TPM2: variants seen among roughly 807,000 people sequenced by gnomAD.
TPM2 encodes the protein tropomyosin beta chain.
TPM2 carries 26 observed loss-of-function variants against 41.0 expected under a neutral mutation model. That is an observed-to-expected ratio of 0.63 (90% CI 0.46 to 0.88). The LOEUF (loss-of-function observed/expected upper bound fraction) is 0.88. TPM2 is among the 40% of genes least tolerant of loss of function. The pLI, the probability that TPM2 is intolerant of heterozygous loss-of-function variation, is 0.00. For missense variants in TPM2, 187 were observed against 355.2 expected (o/e 0.53, Z 3.81); for synonymous variants, 143 against 139.3 (o/e 1.03, Z -0.19).
rs1297159160 is a variant in TPM2, at chr9:35,685,748, G to A, written c.273C>T (p.Arg91=). 5.0e-6 allele frequency: 8 copies of A among 1,614,220 alleles called. No individual in the cohort carries two copies. The highest frequency in any genetic ancestry group is 3.4e-6 in the Non-Finnish European group (4 of 1,180,036). Reference sequence around the variant, plus strand: ...CCAGCTCCTCCTCAACCAGCTGAATGCGGCGGTTCAGGGAGGCCACATCTG... The same window carrying A: ...CCAGCTCCTCCTCAACCAGCTGAATACGGCGGTTCAGGGAGGCCACATCTG... ...AEADVASLNR[R]IQLVEEELDR... Residue 91 remains arginine (R), a synonymous_variant, in exon 3 of 9, where the codon CGC becomes CGT. Transcript: ENST00000645482. This position sits in a 1 kb window ranked among gnomAD's most constrained non-coding sequence, Gnocchi z 5.0.
Position 35,684,826 on chromosome 9 carries a change from G to GA in TPM2, c.564-20_564-19insT, listed in dbSNP as rs1563928166. ...ACATTTACTGCAGGGGGTGTGTGGC[G>GA]GGGGGGGCAGGGTGTGAGGGCACAG... On this transcript the variant is annotated intron_variant, in intron 5 of 8. Transcript: ENST00000645482. 1 of 1,473,904 alleles carries GA rather than the reference G, an allele frequency of 6.8e-7. No homozygotes were observed. The highest frequency in any genetic ancestry group is 2.1e-5 in the Admixed American group (1 of 46,822). 91.3% of individuals were successfully genotyped at this position (1,473,904 alleles called of 1,614,324 possible). A position where few individuals can be genotyped will look rare whatever the true frequency, so the allele number is the denominator to read the frequency against.
intron 5 of TPM2, 178 bp from the exon 6 acceptor site, chr9:35,684,985 C>T: frequency 6.2e-7 from 1 of 1,613,542 alleles, no homozygotes; most frequent in Non-Finnish European, 8.5e-7. Context: ...TGAGAAAGAG[C>T]AGCCTGCGGT....
chr9:35,682,180 C>T, downstream of TPM2: 1 of 1,613,710 alleles, frequency 6.2e-7, no homozygotes, highest in South Asian at 1.1e-5. Context: ...GGGGAAGCAG[C>T]AGGTGAGGGA....
chr9:35,682,624 C>T (rs906318257), downstream of TPM2: 1 of 1,302,046 alleles, frequency 7.7e-7, no homozygotes, highest in African/African-American at 1.5e-5. Flanking sequence ...TGCACCTCAC[C>T]ACCCTACTTC....
upstream of TPM2, chr9:35,689,961 G>A: frequency 6.5e-7 from 1 of 1,546,676 alleles, no homozygotes; most frequent in Non-Finnish European, 8.7e-7. Flanking sequence ...TAAAAGGCGG[G>A]GAGGGACCGG....
chr9:35,689,633 G>C (rs1825138708), intron 1 of TPM2, 71 bp downstream of exon 1: 13 of 1,600,770 alleles, frequency 8.1e-6, no homozygotes, highest in Non-Finnish European at 1.1e-5. Context: ...CCGGGGCTGG[G>C]GGACCCATGG....
Position 35,688,087 on chromosome 9 carries a change from G to A in TPM2, c.240+1059C>T, listed in dbSNP as rs1380425095. 5.3e-5 allele frequency among the ~76,000 whole-genome samples: 8 copies of A among 152,196 alleles called. No individual in the cohort carries two copies. In the East Asian group the frequency reaches 7.7e-4, roughly 15 times the overall value. ...CCTCCAGCCCCCACCAGCAACTTGG[G>A]TTTCCAATCTTGCCTCCAGCTGCAC... On this transcript the variant is annotated intron_variant, in intron 2 of 8. Coordinates refer to ENST00000645482, the MANE Select transcript of TPM2 (RefSeq NM_003289.4).
downstream of TPM2, chr9:35,682,300 T>C (rs138411906): frequency 0.012 from 12,562 of 1,018,706 alleles, 103 homozygotes; most frequent in Non-Finnish European, 0.015. Flanking sequence ...CAGGGCCCCT[T>C]GGCAGGGACA....
chr9:35,688,674 C>A (rs916421372), intron 2 of TPM2, among the ~76,000 whole-genome samples: 3 of 152,114 alleles, frequency 2.0e-5, no homozygotes, highest in Admixed American at 6.6e-5. Context: ...GAGGTCAAGG[C>A]CAGGGAATTT....
intron 1 of TPM2, 96 bp downstream of exon 1, chr9:35,689,608 C>A (rs1325960371): frequency 1.3e-6 from 2 of 1,592,186 alleles, no homozygotes; most frequent in East Asian, 2.2e-5. Context: ...TGAGAGAGAG[C>A]CTTGGCGGGC....
Position 35,682,946 on chromosome 9 carries a change from T to C in TPM2, c.*213A>G. 2 of 1,508,122 alleles carry C rather than the reference T, an allele frequency of 1.3e-6. No individual in the cohort carries two copies. The highest frequency in any genetic ancestry group is 1.8e-6 in the Non-Finnish European group (2 of 1,123,744). 93.4% of individuals were successfully genotyped at this position (1,508,122 alleles called of 1,614,324 possible). On this transcript the variant is annotated 3_prime_UTR_variant, in exon 9 of 9. Transcript: ENST00000645482. ...CAGCATGGAGACCAAGTTCAGAATT[T>C]ATTAAGCAGCAAAGGAGGGTGGAAG...
chr9:35,684,857 CCAGA>C (rs758901953), intron 5 of TPM2, 50 bp from the exon 6 acceptor site: 2 of 1,613,554 alleles, frequency 1.2e-6, no homozygotes, highest in East Asian at 4.5e-5. Context: ...CACAGCGAAG[CCAGA>C]CAGTGGAGAT....
chr9:35,682,542 C>T, downstream of TPM2: 2 of 1,246,632 alleles, frequency 1.6e-6, no homozygotes, highest in Non-Finnish European at 1.0e-6. Context: ...GCAGTGAAAG[C>T]CCCATGTTGC....
intron 5 of TPM2, 75 bp from the exon 6 acceptor site, chr9:35,684,882 G>C: frequency 1.2e-6 from 2 of 1,613,542 alleles, no homozygotes. Flanking sequence ...GGCACAGCAG[G>C]GGACGGGTGG....
rs1825157734 is a variant in TPM2 at position 35,689,859 on chromosome 9, C to T, written c.-42G>A. 2 of 1,612,422 alleles carry T rather than the reference C, an allele frequency of 1.2e-6. No individual in the cohort carries two copies. Among genetic ancestry groups the T allele is most frequent in the Middle Eastern group, 1.7e-4 (1 of 6,060 alleles). Reference sequence around the variant, plus strand: ...GGGCCGGCCGGCAGGCGGTGAGGACCGGACGGACTGGGCTGGGTGAGCGGA... The same window carrying T: ...GGGCCGGCCGGCAGGCGGTGAGGACTGGACGGACTGGGCTGGGTGAGCGGA... On this transcript the variant is annotated 5_prime_UTR_variant, in exon 1 of 9. Transcript: ENST00000645482.
intron 5 of TPM2, 122 bp from the exon 6 acceptor site, chr9:35,684,929 G>T: frequency 6.2e-7 from 1 of 1,610,010 alleles, no homozygotes; most frequent in Non-Finnish European, 8.5e-7. Context: ...GAGAGTGACA[G>T]CAGGCAGGGC....
intron 8 of TPM2, chr9:35,683,926 G>C: frequency 2.5e-6 from 1 of 396,468 alleles, no homozygotes; most frequent in Non-Finnish European, 4.8e-6. Context: ...AGCAGCATTG[G>C]CAGTACCAGA....
rs2131845447 is a variant in TPM2 at position 35,682,933 on chromosome 9, C to G, written c.*226G>C. The G allele has an allele frequency of 1.3e-6, 2 of 1,501,674 alleles. No homozygotes were observed. Among genetic ancestry groups the G allele is most frequent in the African/African-American group, 1.4e-5 (1 of 72,012 alleles). 93.0% of individuals were successfully genotyped at this position (1,501,674 alleles called of 1,614,324 possible). ...GAGGGCAGGAAAACAGCATGGAGAC[C>G]AAGTTCAGAATTTATTAAGCAGCAA... On this transcript the variant is annotated 3_prime_UTR_variant, in exon 9 of 9. Transcript: ENST00000645482.
rs969428724 is a variant in TPM2, at chr9:35,683,157, G to T, written c.*2C>A. ...GCTGAGGTGGCCACGCTGGCGTGGG[G>T]CTCAGAGGGAGGTGATGTCATTGAG... is the stretch of plus-strand genomic sequence containing the variant. On this transcript the variant is annotated 3_prime_UTR_variant, in exon 9 of 9. Transcript: ENST00000645482. The T allele has an allele frequency of 6.4e-7, 1 of 1,553,416 alleles. No individual in the cohort carries two copies. The highest frequency in any genetic ancestry group is 8.7e-7 in the Non-Finnish European group (1 of 1,147,640).
Sources: gnomAD v4.1 joint callset for allele counts (sites outside exome capture counted in the v4.1 genomes callset) on GRCh38, gnomAD v4.1.1 for gene constraint, Gnocchi (gnomAD v3.1) non-coding constraint, MANE v1.5 for transcripts, NCBI Gene and HGNC (gene_info 2026-07-23, HGNC 2026-07-21) for gene names.